Variants in DYNC1I1 observed in about 807,000 individuals in gnomAD.
DYNC1I1 encodes the protein cytoplasmic dynein 1 intermediate chain 1.
A neutral mutation model predicts 86.6 loss-of-function variants in DYNC1I1; 43 were observed. The observed-to-expected ratio is 0.50, with a 90% CI of 0.39 to 0.64. The LOEUF (loss-of-function observed/expected upper bound fraction) is 0.64, where lower values mean the gene tolerates loss of function less well. Ranked by LOEUF, DYNC1I1 falls within the 30% of genes least tolerant of loss-of-function variation. The pLI is 0.00. For synonymous variants in DYNC1I1, 262 were observed against 283.7 expected, an observed-to-expected ratio of 0.92 and a Z score of 0.77; for missense variants, 604 against 788.8, an observed-to-expected ratio of 0.77 and a Z score of 2.81.
intron 6 of DYNC1I1, among the ~76,000 whole-genome samples, chr7:95,938,726 T>G (rs562433554): frequency 6.6e-6 from 1 of 152,270 alleles, no homozygotes; most frequent in South Asian, 2.1e-4. Flanking sequence ...TTTTGTAAAT[T>G]ATTAAGTGCT....
At chr7:96,110,099 T>C (rs1584326032), downstream of DYNC1I1, 6 of 443,432 alleles carry the variant, frequency 1.4e-5, no homozygotes, top group African/African-American at 4.1e-5. Context: ...TGCCTGCTTG[T>C]TATATCAGCT....
chr7:96,044,723 C>A (rs1458093571), intron 14 of DYNC1I1, among the ~76,000 whole-genome samples: 2 of 152,212 alleles, frequency 1.3e-5, no homozygotes, highest in East Asian at 3.9e-4. Flanking sequence ...GCAAACTCTC[C>A]TGTGATGGCT....
intron 14 of DYNC1I1, among the ~76,000 whole-genome samples, chr7:96,050,772 G>A (rs939013942): frequency 5.9e-5 from 9 of 151,862 alleles, no homozygotes; most frequent in African/African-American, 1.9e-4. Flanking sequence ...CCTTTTCTTT[G>A]ATGACTTTGC....
chr7:95,995,692 G>A (rs942755395), intron 9 of DYNC1I1, among the ~76,000 whole-genome samples: 3 of 152,198 alleles, frequency 2.0e-5, no homozygotes, highest in Non-Finnish European at 2.9e-5. Flanking sequence ...GTAGCACAAA[G>A]TGTCAAATAA....
chr7:95,900,229 A>G (rs1225623015), intron 6 of DYNC1I1, among the ~76,000 whole-genome samples: 2 of 152,134 alleles, frequency 1.3e-5, no homozygotes, highest in Non-Finnish European at 2.9e-5. Context: ...TATTCTCTTC[A>G]AATTTCCCTT....
chr7:95,843,924 A>G (rs1299591340), intron 5 of DYNC1I1, among the ~76,000 whole-genome samples: 2 of 152,240 alleles, frequency 1.3e-5, no homozygotes, highest in African/African-American at 2.4e-5. Flanking sequence ...AAGAACTAAT[A>G]TAGCTTGGAA....
intron 6 of DYNC1I1, among the ~76,000 whole-genome samples, chr7:95,913,293 A>C (rs565756089): frequency 3.3e-5 from 5 of 152,188 alleles, no homozygotes; most frequent in Admixed American, 6.5e-5. Flanking sequence ...TAAAAATAGA[A>C]CAGAGCTCTT....
At chr7:95,774,363 G>T (rs1004341453) in intron 1 of DYNC1I1, among the ~76,000 whole-genome samples, 2 of 152,182 alleles carry the variant, frequency 1.3e-5, no homozygotes, top group African/African-American at 4.8e-5. Context: ...TGCTGCAGCC[G>T]CTGGTGCACA....
chr7:95,936,803 T>C (rs558449854), intron 6 of DYNC1I1, among the ~76,000 whole-genome samples: 138 of 151,962 alleles, frequency 9.1e-4, no homozygotes, highest in Non-Finnish European at 1.7e-3. Context: ...TTTTAAAGTG[T>C]GTATGGAATA....
intron 9 of DYNC1I1, among the ~76,000 whole-genome samples, chr7:95,991,407 G>A (rs1029440712): frequency 1.3e-5 from 2 of 152,114 alleles, no homozygotes; most frequent in African/African-American, 4.8e-5. Context: ...AATTTACTGG[G>A]GAGCCATTAT....
At chr7:96,034,344 A>C (rs1367344922) in intron 12 of DYNC1I1, among the ~76,000 whole-genome samples, 2 of 152,180 alleles carry the variant, frequency 1.3e-5, no homozygotes, top group Non-Finnish European at 2.9e-5. Flanking sequence ...CCCACTATTT[A>C]GGAATTTTTA....
At chr7:96,019,886 T>C (rs1794499378) in intron 10 of DYNC1I1, among the ~76,000 whole-genome samples, 1 of 152,056 alleles carries the variant, frequency 6.6e-6, no homozygotes, top group East Asian at 1.9e-4. Flanking sequence ...AATCAGGAGG[T>C]AGTAATTTCT....
At chr7:95,813,850 A>C in intron 4 of DYNC1I1, among the ~76,000 whole-genome samples, 1 of 152,192 alleles carries the variant, frequency 6.6e-6, no homozygotes, top group East Asian at 1.9e-4. Context: ...TAGTAGTATC[A>C]GGATTGGCTG....
chr7:96,098,379 G>T lies in DYNC1I1; in HGVS notation c.*786G>T. ...TAACACAGTCTGACAAAAGTCTATG[G>T]TTCCTAAATATGACATCAGTGTTGC... On this transcript the variant is annotated 3_prime_UTR_variant, in exon 17 of 17. Coordinates refer to ENST00000447467, the MANE Select transcript of DYNC1I1 (RefSeq NM_001135556.2). 1.6e-5 allele frequency: 16 copies of T among 985,536 alleles called. No homozygotes were observed. The highest frequency in any genetic ancestry group is 1.9e-5 in the Non-Finnish European group (16 of 829,938). 61.0% of individuals were successfully genotyped at this position (985,536 alleles called of 1,614,324 possible). A position where few individuals can be genotyped will look rare whatever the true frequency, so the allele number is the denominator to read the frequency against.
At chr7:96,004,590 T>G (rs920625613) in intron 10 of DYNC1I1, among the ~76,000 whole-genome samples, 15 of 151,418 alleles carry the variant, frequency 9.9e-5, no homozygotes, top group African/African-American at 3.6e-4. Flanking sequence ...TTCTGAAAAC[T>G]AAAGAAAACA....
intron 4 of DYNC1I1, among the ~76,000 whole-genome samples, chr7:95,824,107 C>T (rs1470044328): frequency 1.3e-5 from 2 of 150,456 alleles, no homozygotes; most frequent in African/African-American, 4.9e-5. Flanking sequence ...CCTCCCACCT[C>T]AGCCTCCTGA....
chr7:95,816,271 C>T (rs1794944288), intron 4 of DYNC1I1, among the ~76,000 whole-genome samples: 2 of 152,168 alleles, frequency 1.3e-5, no homozygotes, highest in Non-Finnish European at 2.9e-5. Flanking sequence ...ATCCTTTTGC[C>T]TTGGCCTCCC....
At chr7:96,094,676 G>A (rs1790950937) in intron 16 of DYNC1I1, among the ~76,000 whole-genome samples, 2 of 152,072 alleles carry the variant, frequency 1.3e-5, no homozygotes, top group Non-Finnish European at 2.9e-5. Context: ...ACTTCCTGAT[G>A]GTGATATTTA....
chr7:95,793,651 T>A (rs534647339), intron 1 of DYNC1I1, among the ~76,000 whole-genome samples: 50 of 152,294 alleles, frequency 3.3e-4, no homozygotes, highest in African/African-American at 1.2e-3. Flanking sequence ...TGGCTAAAAA[T>A]ATGCTTATTT....
Sources: gnomAD v4.1 joint callset for allele counts (sites outside exome capture counted in the v4.1 genomes callset) on GRCh38, gnomAD v4.1.1 for gene constraint, MANE v1.5 for transcripts, NCBI Gene and HGNC (gene_info 2026-07-23, HGNC 2026-07-21) for gene names.